Variants in GPATCH1 observed in about 807,000 individuals in gnomAD.
GPATCH1 encodes G-patch domain containing 1, also known as G patch domain-containing protein 1.
Under a neutral mutation model 114.9 loss-of-function variants are expected in GPATCH1, and 73 were observed. The observed-to-expected ratio is 0.64, with a 90% CI of 0.53 to 0.77. GPATCH1 has a LOEUF of 0.77. Among genes scored for constraint, GPATCH1 ranks in the 30% least tolerant of loss-of-function variants. The probability of loss-of-function intolerance (pLI) is 0.00; values close to 1 mark genes in which losing one functional copy is unlikely to be tolerated. For synonymous variants in GPATCH1, 391 were observed against 428.4 expected (o/e 0.91, Z 1.08); for missense variants, 1,058 against 1,144.3 (o/e 0.92, Z 1.09).
At chr19:33,082,970 G>A (rs868023862) in intron 1 of GPATCH1, among the ~76,000 whole-genome samples, 4 of 152,130 alleles carry the variant, frequency 2.6e-5, no homozygotes, top group Middle Eastern at 6.8e-3. Context: ...CGGGCGTGGT[G>A]GCTCACGCCT....
At chr19:33,103,738 A>G (rs187955552) in intron 9 of GPATCH1, among the ~76,000 whole-genome samples, 52 of 152,076 alleles carry the variant, frequency 3.4e-4, no homozygotes, top group Admixed American at 2.6e-3. Flanking sequence ...GCATAGTTTA[A>G]AAATGATGGA....
intron 8 of GPATCH1, among the ~76,000 whole-genome samples, chr19:33,099,641 C>T (rs1400227817): frequency 6.6e-6 from 1 of 151,904 alleles, no homozygotes; most frequent in African/African-American, 2.4e-5. Context: ...CTCTGTCACC[C>T]AGGCTGGAGA....
chr19:33,120,388 T>A (rs1257855864), intron 17 of GPATCH1, among the ~76,000 whole-genome samples: 2 of 145,914 alleles, frequency 1.4e-5, no homozygotes, highest in Non-Finnish European at 3.0e-5. Flanking sequence ...ATATAAAATA[T>A]AAAAATTAGC....
At chr19:33,090,331 C>G (rs12610266) in intron 2 of GPATCH1, among the ~76,000 whole-genome samples, 63,196 of 151,988 alleles carry the variant, frequency 0.42, 16,586 homozygotes, top group African/African-American at 0.73. Context: ...TTTATCCACT[C>G]TGACTGATTA....
intron 19 of GPATCH1, among the ~76,000 whole-genome samples, chr19:33,128,715 G>C (rs1192915641): frequency 6.6e-6 from 1 of 152,204 alleles, no homozygotes; most frequent in African/African-American, 2.4e-5. Context: ...GAAGGGTGTT[G>C]TGTGAATTCT....
At chr19:33,107,015 G>A in intron 10 of GPATCH1, 116 bp downstream of exon 10, 1 of 717,100 alleles carries the variant, frequency 1.4e-6, no homozygotes, top group Non-Finnish European at 2.4e-6. Context: ...TTCCCAAACT[G>A]TGGAAATACC....
At chr19:33,093,270 C>CTT (rs35647730) in intron 3 of GPATCH1, 89 bp from the exon 4 acceptor site, 3,215 of 725,418 alleles carry the variant, frequency 4.4e-3, no homozygotes, top group South Asian at 0.018. Context: ...GTAGTTTTAA[C>CTT]TTTTTTTTTT....
chr19:33,088,230 T>C lies in GPATCH1; in HGVS notation c.170T>C (p.Phe57Ser). 6.2e-7 allele frequency: 1 copy of C among 1,607,802 alleles called. No homozygotes were observed. Among genetic ancestry groups the C allele is most frequent in the South Asian group, 1.1e-5 (1 of 90,494 alleles). ...KRFHGAFSGG[F>S]SAGYFNTVGS... ...TTCCACGGGGCCTTTAGTGGAGGTT[T>C]CTCTGCTGGATACTTCAATACTGTT... Residue 57 changes from phenylalanine to serine, a missense_variant, in exon 2 of 20, where the codon TTC (phenylalanine) becomes TCC (serine). Coordinates refer to ENST00000170564, the MANE Select transcript of GPATCH1 (RefSeq NM_018025.3).
chr19:33,120,548 C>CA (rs58579147), intron 17 of GPATCH1, among the ~76,000 whole-genome samples: 13,293 of 72,852 alleles, frequency 0.18, 1,467 homozygotes, highest in African/African-American at 0.33. Context: ...GACTCTGTCT[C>CA]AAAAAAAAAA....
At chr19:33,083,100 G>C (rs987383981) in intron 1 of GPATCH1, among the ~76,000 whole-genome samples, 6 of 136,682 alleles carry the variant, frequency 4.4e-5, no homozygotes, top group Non-Finnish European at 7.7e-5. Flanking sequence ...AATTAGCTGG[G>C]CGTGGTGGGG....
rs569057525 is a variant in GPATCH1 at position 33,106,738 on chromosome 19, A to T, written c.1124A>T (p.His375Leu). The T allele has an allele frequency of 3.1e-6, 5 of 1,614,006 alleles. No individual in the cohort carries two copies. The East Asian group carries it at 8.9e-5, about 29-fold the overall frequency. Residue 375 changes from histidine (H) to leucine (L), a missense_variant, in exon 10 of 20, where the codon CAT (histidine) becomes CTT (leucine). Coordinates refer to ENST00000170564, the MANE Select transcript of GPATCH1 (RefSeq NM_018025.3). ...PELPRDYRPVHYFRPMVAATS... is the reference protein window; with the variant it reads ...PELPRDYRPVLYFRPMVAATS... Reference sequence around the variant, plus strand: ...CTGCCAAGAGACTATCGACCAGTGCATTATTTCAGACCCATGGTGGCCGCC... The same window carrying T: ...CTGCCAAGAGACTATCGACCAGTGCTTTATTTCAGACCCATGGTGGCCGCC...
chr19:33,121,310 CT>C (rs1403188248), intron 17 of GPATCH1, among the ~76,000 whole-genome samples: 1 of 137,840 alleles, frequency 7.3e-6, no homozygotes, highest in Admixed American at 7.2e-5. Flanking sequence ...TTTTCTTTTT[CT>C]TTTCTTTTCT....
In GPATCH1 at chr19:33,111,695, A is replaced by C. The variant is rs762997170; in HGVS notation, c.1586-29A>C. Reference sequence around the variant, plus strand: ...AAGCCCCATGTTTTCCTGAAAAGTGAAGCTGCTTCTTGTTCTCTGCCCCCG... The same window carrying C: ...AAGCCCCATGTTTTCCTGAAAAGTGCAGCTGCTTCTTGTTCTCTGCCCCCG... On this transcript the variant is annotated intron_variant, in intron 11 of 19. Coordinates refer to ENST00000170564, the MANE Select transcript of GPATCH1 (RefSeq NM_018025.3). 2.5e-5 allele frequency: 40 copies of C among 1,608,328 alleles called. No individual in the cohort carries two copies. The Middle Eastern group carries it at 5.9e-4, about 24-fold the overall frequency.
intron 11 of GPATCH1, 139 bp downstream of exon 11, chr19:33,110,155 A>G (rs1972836358): frequency 1.3e-5 from 9 of 714,438 alleles, no homozygotes; most frequent in East Asian, 5.8e-5. Flanking sequence ...AAATAGTGCA[A>G]AGGTTTCAGG....
chr19:33,103,740 A>G (rs1238233470), intron 9 of GPATCH1, among the ~76,000 whole-genome samples: 1 of 152,108 alleles, frequency 6.6e-6, no homozygotes, highest in Admixed American at 6.6e-5. Flanking sequence ...ATAGTTTAAA[A>G]ATGATGGAGA....
At chr19:33,097,191 G>C (rs544903605) in intron 7 of GPATCH1, among the ~76,000 whole-genome samples, 98 of 151,978 alleles carry the variant, frequency 6.4e-4, no homozygotes, top group African/African-American at 2.3e-3. Flanking sequence ...TGATCCACCC[G>C]CCTCGGCCTC....
At chr19:33,114,448 C>T (rs372895275) in intron 15 of GPATCH1, 29 bp downstream of exon 15, 2 of 1,545,476 alleles carry the variant, frequency 1.3e-6, no homozygotes, top group Non-Finnish European at 1.8e-6. Flanking sequence ...TTCTCTTTGC[C>T]ACGCTGAGTG....
Position 33,097,738 on chromosome 19 carries a change from A to C in GPATCH1, c.853-17A>C, listed in dbSNP as rs770412707. 1.2e-6 allele frequency: 2 copies of C among 1,612,896 alleles called. No individual in the cohort carries two copies. Among genetic ancestry groups the C allele is most frequent in the South Asian group, 2.2e-5 (2 of 91,040 alleles). On this transcript the variant is annotated splice_polypyrimidine_tract_variant and intron_variant, in intron 7 of 19. Coordinates refer to ENST00000170564, the MANE Select transcript of GPATCH1 (RefSeq NM_018025.3). ...CCCTAACACCTGTGCTCAGTTTGAA[A>C]CCTTGTTTTTTTAAAGGCTTTTGGT...
At chr19:33,097,931 A>G in intron 8 of GPATCH1, 29 bp downstream of exon 8, 1 of 1,608,718 alleles carries the variant, frequency 6.2e-7, no homozygotes, top group Non-Finnish European at 8.5e-7. Context: ...ACCTAATGGC[A>G]GGACCAAGTG....
Sources: gnomAD v4.1 joint callset for allele counts (sites outside exome capture counted in the v4.1 genomes callset) on GRCh38, gnomAD v4.1.1 for gene constraint, MANE v1.5 for transcripts, NCBI Gene and HGNC (gene_info 2026-07-23, HGNC 2026-07-21) for gene names.